Variants in CTNNA3 observed in about 807,000 individuals in gnomAD.
The protein encoded by CTNNA3 is catenin alpha 3.
Under a neutral mutation model 95.7 loss-of-function variants are expected in CTNNA3, and 76 were observed. That is an observed-to-expected ratio of 0.79 (90% CI 0.66 to 0.96). CTNNA3 has a LOEUF of 0.96. CTNNA3 is among the 40% of genes least tolerant of loss of function. The pLI is 0.00. For missense variants in CTNNA3, 1,191 were observed against 1,089.8 expected (o/e 1.09, Z -1.31); for synonymous variants, 431 against 374.4 (o/e 1.15, Z -1.74).
At chr10:67,105,937 T>C (rs1219277416) in intron 7 of CTNNA3, among the ~76,000 whole-genome samples, 1 of 152,150 alleles carries the variant, frequency 6.6e-6, no homozygotes, top group Non-Finnish European at 1.5e-5. Flanking sequence ...GAAACTTAAG[T>C]TCAGTGTATT....
At chr10:67,254,198 C>T (rs1404422468) in intron 5 of CTNNA3, among the ~76,000 whole-genome samples, 4 of 151,128 alleles carry the variant, frequency 2.6e-5, no homozygotes. Flanking sequence ...AAAGAAATGC[C>T]CCAAAGTGGC....
intron 5 of CTNNA3, among the ~76,000 whole-genome samples, chr10:67,437,472 A>G (rs182894880): frequency 1.2e-3 from 185 of 149,852 alleles, no homozygotes; most frequent in Non-Finnish European, 8.7e-4. Flanking sequence ...AATTTAATAA[A>G]TACCCCAATA....
chr10:66,831,343 C>T lies in CTNNA3; in HGVS notation c.1048-55819G>A, dbSNP rs140735944. 2.9e-4 allele frequency among the ~76,000 whole-genome samples: 44 copies of T among 152,304 alleles called. 1 individual carries two copies. The East Asian group carries it at 7.7e-3, about 27-fold the overall frequency. The stretch of plus-strand genomic sequence containing the variant: ...CTTCCCTTGTGTGCCAGGCTTCACT[C>T]GTTCTGACTTTTCAAATTTCTTAAT... On this transcript the variant is annotated intron_variant, in intron 7 of 17. Coordinates refer to ENST00000433211, the MANE Select transcript of CTNNA3 (RefSeq NM_013266.4).
At chr10:67,564,673 G>GTGTGTA (rs1554854235) in intron 3 of CTNNA3, among the ~76,000 whole-genome samples, 18 of 72,408 alleles carry the variant, frequency 2.5e-4, no homozygotes, top group African/African-American at 1.5e-3. Flanking sequence ...ATGTGTGTGT[G>GTGTGTA]TGTGTATATA....
chr10:66,242,118 T>C (rs982050471), intron 13 of CTNNA3, among the ~76,000 whole-genome samples: 3 of 152,114 alleles, frequency 2.0e-5, no homozygotes, highest in Non-Finnish European at 4.4e-5. Context: ...CCTGTGCCAC[T>C]TCAGAACTCT....
intron 3 of CTNNA3, among the ~76,000 whole-genome samples, chr10:67,574,819 G>A (rs973415805): frequency 2.0e-5 from 3 of 152,072 alleles, no homozygotes; most frequent in African/African-American, 7.2e-5. Context: ...GACCTCAGGT[G>A]ATCCACCTGC....
At chr10:66,007,078 G>A (rs1016610594) in intron 15 of CTNNA3, among the ~76,000 whole-genome samples, 13 of 152,126 alleles carry the variant, frequency 8.5e-5, no homozygotes, top group Middle Eastern at 3.4e-3. Flanking sequence ...TTAGGACACC[G>A]TAAAGCTTAC....
chr10:67,751,171 G>A (rs2131748147), intron 1 of CTNNA3: 1 of 1,274,630 alleles, frequency 7.8e-7, no homozygotes. Context: ...AGAAACTGGA[G>A]GGCCCGTAAC....
chr10:66,150,439 C>A (rs2084139520), intron 13 of CTNNA3, among the ~76,000 whole-genome samples: 3 of 151,802 alleles, frequency 2.0e-5, no homozygotes, highest in Admixed American at 2.0e-4. Context: ...ATGGTGTTTG[C>A]CAAAATATAT....
intron 1 of CTNNA3, among the ~76,000 whole-genome samples, chr10:67,688,139 A>G (rs946245710): frequency 6.6e-6 from 1 of 152,178 alleles, no homozygotes; most frequent in Non-Finnish European, 1.5e-5. Flanking sequence ...AGACATCTAT[A>G]TACCTAACAG....
At chr10:66,419,423 C>T (rs1395553093) in intron 11 of CTNNA3, among the ~76,000 whole-genome samples, 10 of 152,002 alleles carry the variant, frequency 6.6e-5, no homozygotes, top group Non-Finnish European at 1.0e-4. Flanking sequence ...ATCCCATGTT[C>T]ATGGATCAGA....
intron 10 of CTNNA3, among the ~76,000 whole-genome samples, chr10:66,547,675 T>A (rs146215030): frequency 0.024 from 3,594 of 152,026 alleles, 86 homozygotes; most frequent in East Asian, 0.057. Context: ...TATTAATTTG[T>A]GAAGTTCATA....
chr10:66,670,005 T>C (rs760131329), intron 9 of CTNNA3, among the ~76,000 whole-genome samples: 1 of 152,098 alleles, frequency 6.6e-6, no homozygotes, highest in Non-Finnish European at 1.5e-5. Context: ...TCATCCAATA[T>C]GGAGAATTGA....
intron 7 of CTNNA3, among the ~76,000 whole-genome samples, chr10:66,824,787 G>C (rs111543891): frequency 6.6e-6 from 1 of 152,186 alleles, no homozygotes; most frequent in South Asian, 2.1e-4. Flanking sequence ...AGTCATCGCC[G>C]TCTAAAGAAC....
At chr10:65,978,049 T>TTTC (rs2078241639) in intron 16 of CTNNA3, among the ~76,000 whole-genome samples, 1 of 152,070 alleles carries the variant, frequency 6.6e-6, no homozygotes, top group Admixed American at 6.6e-5. Context: ...GATCTCATCT[T>TTTC]TTCCTCTACT....
chr10:67,371,284 G>A (rs1393955753), intron 5 of CTNNA3, among the ~76,000 whole-genome samples: 3 of 151,090 alleles, frequency 2.0e-5, no homozygotes, highest in African/African-American at 7.3e-5. Context: ...TAATGTGCAG[G>A]TTTGTTACAT....
intron 10 of CTNNA3, among the ~76,000 whole-genome samples, chr10:66,586,524 T>C (rs546894209): frequency 6.6e-6 from 1 of 152,252 alleles, no homozygotes; most frequent in South Asian, 2.1e-4. Flanking sequence ...AATGCTGATG[T>C]TCCCTCTAAA....
chr10:67,253,757 C>T (rs376111573), intron 5 of CTNNA3, among the ~76,000 whole-genome samples: 9 of 152,108 alleles, frequency 5.9e-5, no homozygotes, highest in East Asian at 1.9e-4. Context: ...AAATGAAAAA[C>T]GATGGTGATG....
chr10:66,870,140 A>AT lies in CTNNA3; in HGVS notation c.1048-94617dup, dbSNP rs148882270. Among the ~76,000 whole-genome samples, 346 of 151,828 alleles carry AT rather than the reference A, an allele frequency of 2.3e-3. 15 individuals are homozygous for AT. In the East Asian group the frequency reaches 0.057, roughly 25 times the overall value. ...CACCTAGGCCATGTTTCAGCTGAGAATTTTTTTTTAAACTTCATTATATGA... is the reference window on the plus strand; with the variant it reads ...CACCTAGGCCATGTTTCAGCTGAGAATTTTTTTTTTAAACTTCATTATATGA... On this transcript the variant is annotated intron_variant, in intron 7 of 17. Coordinates refer to ENST00000433211, the MANE Select transcript of CTNNA3 (RefSeq NM_013266.4).
Sources: gnomAD v4.1 joint callset for allele counts (sites outside exome capture counted in the v4.1 genomes callset) on GRCh38, gnomAD v4.1.1 for gene constraint, MANE v1.5 for transcripts, NCBI Gene and HGNC (gene_info 2026-07-23, HGNC 2026-07-21) for gene names.